The following NDUFC1 variants were observed in gnomAD, a reference collection of about 807,000 sequenced individuals.
NDUFC1 encodes the protein NADH:ubiquinone oxidoreductase subunit C1.
A neutral mutation model predicts 11.6 loss-of-function variants in NDUFC1; 11 were observed. That is an observed-to-expected ratio of 0.95 (90% CI 0.60 to 1.58). NDUFC1 has a LOEUF of 1.58. Among genes scored for constraint, NDUFC1 ranks in the 40% most tolerant of loss-of-function variants. NDUFC1 has a pLI of 0.00. For synonymous variants in NDUFC1, 52 were observed against 42.2 expected (o/e 1.23, Z -0.90); for missense variants, 112 against 93.0 (o/e 1.20, Z -0.84).
chr4:139,299,853 A>G (rs1446205955), intron 1 of NDUFC1, among the ~76,000 whole-genome samples: 2 of 152,156 alleles, frequency 1.3e-5, no homozygotes, highest in Non-Finnish European at 2.9e-5. Flanking sequence ...AAGACCAGAA[A>G]TTTTCTTCCT....
intron 4 of NDUFC1, among the ~76,000 whole-genome samples, chr4:139,293,066 C>T (rs912620376): frequency 4.6e-5 from 7 of 152,054 alleles, no homozygotes; most frequent in African/African-American, 1.4e-4. Flanking sequence ...GTGATCCACC[C>T]GCCTCGGCCT....
In NDUFC1 at chr4:139,295,924, G is replaced by C. The variant is rs1387423989; in HGVS notation, c.-126C>G. ...GGGGCGTCAACGTGAATTCCAGCAC[G>C]GCAAGGTTCTCTAGCACCCCGGCCT... On this transcript the variant is annotated 5_prime_UTR_variant, in exon 3 of 6. Coordinates refer to ENST00000394223, the MANE Select transcript of NDUFC1 (RefSeq NM_001184989.2). The C allele has an allele frequency of 1.2e-5, 11 of 933,516 alleles. No individual in the cohort carries two copies. Among genetic ancestry groups the C allele is most frequent in the African/African-American group, 3.5e-5 (2 of 57,398 alleles). 57.8% of individuals were successfully genotyped at this position (933,516 alleles called of 1,614,324 possible). A position where few individuals can be genotyped will look rare whatever the true frequency, so the allele number is the denominator to read the frequency against.
rs913545428 is a variant in NDUFC1, at chr4:139,297,422, C to T, written c.-200G>A. 6.6e-6 allele frequency: 1 copy of T among 152,084 alleles called. No individual in the cohort carries two copies. Among genetic ancestry groups the T allele is most frequent in the Non-Finnish European group, 1.5e-5 (1 of 68,018 alleles). 9.4% of individuals were successfully genotyped at this position (152,084 alleles called of 1,614,324 possible). ...GATGGGAACTGTACACTTGGAGTAC[C>T]CAGCTGTATGTGAAACTGCATCTAG... is the stretch of plus-strand genomic sequence containing the variant. On this transcript the variant is annotated 5_prime_UTR_variant, in exon 2 of 6. An upstream open reading frame in the 5' UTR gains an earlier in-frame stop. Transcript: ENST00000394223.
intron 1 of NDUFC1, chr4:139,301,917 G>A: frequency 7.0e-7 from 1 of 1,419,986 alleles, no homozygotes; most frequent in Non-Finnish European, 9.6e-7. Flanking sequence ...GGCGGGCACT[G>A]AGCCACTCCC....
At chr4:139,299,261 C>T (rs1233379733) in intron 1 of NDUFC1, among the ~76,000 whole-genome samples, 1 of 151,650 alleles carries the variant, frequency 6.6e-6, no homozygotes, top group Non-Finnish European at 1.5e-5. Flanking sequence ...AGCCACCAAG[C>T]CCAGCCTTTT....
chr4:139,294,900 T>C (rs1402415284), intron 4 of NDUFC1, 143 bp downstream of exon 4: 5 of 572,864 alleles, frequency 8.7e-6, no homozygotes, highest in East Asian at 8.5e-5. Flanking sequence ...GAAAAATACG[T>C]ATCAGCGATT....
chr4:139,302,058 G>A (rs1366587347), intron 1 of NDUFC1: 7 of 430,566 alleles, frequency 1.6e-5, no homozygotes, highest in African/African-American at 2.0e-5. Context: ...TTGAGGCCCT[G>A]GTTCCGGACT....
intron 1 of NDUFC1, chr4:139,301,658 G>T: frequency 1.7e-6 from 2 of 1,198,608 alleles, no homozygotes; most frequent in South Asian, 1.4e-5. Context: ...CCGAGGCCTG[G>T]TGGTGGCGGC....
chr4:139,294,186 G>A (rs1309270802), intron 4 of NDUFC1, among the ~76,000 whole-genome samples: 2 of 151,552 alleles, frequency 1.3e-5, no homozygotes, highest in South Asian at 2.1e-4. Context: ...CTCGTGATCC[G>A]CCCACCTTGG....
intron 1 of NDUFC1, chr4:139,302,174 G>A: frequency 3.6e-6 from 1 of 274,300 alleles, no homozygotes; most frequent in Non-Finnish European, 6.8e-6. Context: ...GGCAGGAGTC[G>A]CGGCCCGGTT....
chr4:139,301,891 C>T lies in NDUFC1; in HGVS notation c.-222+525G>A, dbSNP rs373274176. On this transcript the variant is annotated intron_variant, in intron 1 of 5. Transcript: ENST00000394223. ...ATTTAGCCGGTAACCGGGCCTGTCA[C>T]CCCTAACCTCGGCCCGGCGGGCACT... is the stretch of plus-strand genomic sequence containing the variant. 1,691 of 1,523,880 alleles carry T rather than the reference C, an allele frequency of 1.1e-3. 2 individuals carry two copies. The highest frequency in any genetic ancestry group is 1.4e-3 in the Non-Finnish European group (1,586 of 1,125,268). The allele number at this position is 1,523,880 out of a possible 1,614,324, so 94.4% of individuals were successfully genotyped here. A position where few individuals can be genotyped will look rare whatever the true frequency, so the allele number is the denominator to read the frequency against.
At chr4:139,294,050 T>G (rs527632763) in intron 4 of NDUFC1, among the ~76,000 whole-genome samples, 1 of 150,728 alleles carries the variant, frequency 6.6e-6, no homozygotes, top group South Asian at 2.1e-4. Context: ...CACACCATTC[T>G]GCTGTCTCAG....
intron 1 of NDUFC1, among the ~76,000 whole-genome samples, chr4:139,297,651 A>C (rs1046049965): frequency 6.6e-6 from 1 of 152,250 alleles, no homozygotes; most frequent in African/African-American, 2.4e-5. Context: ...GGAAAAAATC[A>C]CATCTCCCAA....
chr4:139,294,945 C>G, intron 4 of NDUFC1, 98 bp downstream of exon 4: 1 of 827,570 alleles, frequency 1.2e-6, no homozygotes, highest in Non-Finnish European at 2.1e-6. Flanking sequence ...AGTTTCACTG[C>G]CATACAACAT....
At chr4:139,301,906 C>A in intron 1 of NDUFC1, 1 of 1,489,046 alleles carries the variant, frequency 6.7e-7, no homozygotes, top group South Asian at 1.2e-5. Context: ...AACCTCGGCC[C>A]GGCGGGCACT....
chr4:139,290,889 G>A (rs1745183338), intron 5 of NDUFC1, among the ~76,000 whole-genome samples: 3 of 151,732 alleles, frequency 2.0e-5, no homozygotes, highest in Non-Finnish European at 4.4e-5. Context: ...CAACCTCCCA[G>A]CCTCTGCCTC....
At chr4:139,299,210 C>T (rs1375013682) in intron 1 of NDUFC1, among the ~76,000 whole-genome samples, 12 of 151,282 alleles carry the variant, frequency 7.9e-5, no homozygotes, top group Admixed American at 1.3e-4. Flanking sequence ...CCTTGTGATC[C>T]GCCCGCCTCA....
At position 139,295,111 on chromosome 4, in the gene NDUFC1, G is replaced by T; in HGVS notation, c.103C>A (p.Pro35Thr). 6.2e-7 allele frequency: 1 copy of T among 1,614,202 alleles called. No individual in the cohort carries two copies. The change falls in exon 4 of 6, where the codon CCG becomes ACG. Residue 35 changes from proline (P) to threonine (T), a missense_variant. Coordinates refer to ENST00000394223, the MANE Select transcript of NDUFC1 (RefSeq NM_001184989.2). Reference protein sequence around the residue: ...VRSKFYVREPPNAKPDWLKVG... With the variant: ...VRSKFYVREPTNAKPDWLKVG... ...TTCAGCCAGTCAGGTTTGGCATTCG[G>T]CGGCTCTCGCACGTAGAACTTTGAT...
intron 1 of NDUFC1, chr4:139,301,562 G>T (rs536644156): frequency 5.1e-6 from 3 of 589,874 alleles, no homozygotes; most frequent in East Asian, 3.1e-5. Flanking sequence ...GACCCGTAGT[G>T]GGGGAGGCGG....
Sources: allele counts gnomAD v4.1 joint callset (sites outside exome capture counted in the v4.1 genomes callset), GRCh38; gene constraint gnomAD v4.1.1; transcripts MANE v1.5; gene names NCBI Gene and HGNC (gene_info 2026-07-23, HGNC 2026-07-21).